Variants in RBFOX3 observed in about 807,000 individuals in gnomAD.
RBFOX3 encodes the protein RNA binding protein fox-1 homolog 3.
A neutral mutation model predicts 48.7 loss-of-function variants in RBFOX3; 17 were observed. The observed-to-expected ratio is 0.35, with a 90% confidence interval of 0.24 to 0.52. The LOEUF is 0.52. Among genes scored for constraint, RBFOX3 ranks in the 20% least tolerant of loss-of-function variants. RBFOX3 has a pLI of 0.94. For synonymous variants in RBFOX3, 212 were observed against 209.5 expected, an observed-to-expected ratio of 1.01 and a Z score of -0.10; for missense variants, 382 against 497.5, an observed-to-expected ratio of 0.77 and a Z score of 2.21.
chr17:79,204,695 C>T lies in RBFOX3; in HGVS notation c.-34+31071G>A, dbSNP rs1038598312. ...GACCGCTGAGGCATTTGGAAAGCTT[C>T]GTGGTGAGTGCCTTCACTTAGGGTT... On this transcript the variant is annotated intron_variant, in intron 4 of 14. Transcript: ENST00000693108. This position sits in a 1 kb window ranked among gnomAD's most constrained non-coding sequence, Gnocchi z 4.5. Among the ~76,000 whole-genome samples the T allele has an allele frequency of 2.8e-4, 43 of 152,116 alleles. No homozygotes were observed. The highest frequency in any genetic ancestry group is 1.0e-3 in the African/African-American group (43 of 41,410).
intron 1 of RBFOX3, among the ~76,000 whole-genome samples, chr17:79,609,316 G>A (rs1157242413): frequency 6.6e-6 from 1 of 152,130 alleles, no homozygotes; most frequent in Non-Finnish European, 1.5e-5. Context: ...GGGGCGCCCG[G>A]GTGCATGCCC....
intron 3 of RBFOX3, among the ~76,000 whole-genome samples, chr17:79,283,976 CATTTGCCTGTTTCAGTACTTATAAAT>C (rs2071234907): frequency 2.1e-5 from 3 of 141,992 alleles, no homozygotes; most frequent in Admixed American, 7.1e-5. Context: ...ACCATCGTAA[CATTTGCCTGTTTCAGTACTTATAAAT>C]GGAGATGCCT....
intron 2 of RBFOX3, chr17:79,424,239 G>C (rs1420382798): frequency 6.6e-6 from 1 of 152,408 alleles, no homozygotes; most frequent in Admixed American, 6.5e-5. Context: ...GGCTCTCCCA[G>C]CACAGGTGGC....
the RBFOX3 span, among the ~76,000 whole-genome samples, chr17:79,648,217 C>G: frequency 2.6e-5 from 4 of 152,154 alleles, no homozygotes; most frequent in Non-Finnish European, 5.9e-5. Flanking sequence ...CAGGGACACT[C>G]AAGATGAGCT....
chr17:79,159,265 G>C (rs1200235873), intron 4 of RBFOX3, among the ~76,000 whole-genome samples: 1 of 152,230 alleles, frequency 6.6e-6, no homozygotes, highest in Non-Finnish European at 1.5e-5. Context: ...CCAGGAGGCA[G>C]AGGCAGGTTG....
In RBFOX3 at chr17:79,205,730, T is replaced by C. The variant is rs1419942410; in HGVS notation, c.-34+30036A>G. On this transcript the variant is annotated intron_variant, in intron 4 of 14. Coordinates refer to ENST00000693108, the MANE Select transcript of RBFOX3 (RefSeq NM_001350451.2). This position sits in a 1 kb window ranked among gnomAD's most constrained non-coding sequence, Gnocchi z 4.5. ...CAGCCTCCAATTATTCACAGCAGTG[T>C]TGTATTTACTGGAATAGCTCGACAG... Among the ~76,000 whole-genome samples, 1 of 152,132 alleles carries C rather than the reference T, an allele frequency of 6.6e-6. No individual in the cohort carries two copies. The highest frequency in any genetic ancestry group is 2.4e-5 in the African/African-American group (1 of 41,436).
At chr17:79,173,889 C>T (rs184842972) in intron 4 of RBFOX3, among the ~76,000 whole-genome samples, 9 of 148,180 alleles carry the variant, frequency 6.1e-5, no homozygotes, top group East Asian at 4.0e-4. Context: ...GCTTTGCACA[C>T]GCCACGTGCT....
chr17:79,399,838 G>A (rs909501526), intron 2 of RBFOX3, among the ~76,000 whole-genome samples: 7 of 152,256 alleles, frequency 4.6e-5, no homozygotes, highest in Non-Finnish European at 5.9e-5. Context: ...CCGCTGGAAA[G>A]AATGCTGGCT....
At chr17:79,569,400 C>G (rs2092584434) in intron 1 of RBFOX3, among the ~76,000 whole-genome samples, 1 of 152,160 alleles carries the variant, frequency 6.6e-6, no homozygotes, top group Non-Finnish European at 1.5e-5. Context: ...ATGCTGTAGA[C>G]TGTCAGAGCT....
chr17:79,110,394 C>T (rs114590098), intron 5 of RBFOX3, among the ~76,000 whole-genome samples: 2,722 of 152,200 alleles, frequency 0.018, 82 homozygotes, highest in African/African-American at 0.063. Context: ...AAGCTTGGCA[C>T]GGAGACAGAC....
Position 79,535,430 on chromosome 17 carries a change from C to T in RBFOX3, c.-319-52832G>A, listed in dbSNP as rs1297888347. ...CCAGCAAAGCTCATTCCTACCTGTC[C>T]TCCGGAGAGTGTCACAAGGGGACAG... is the stretch of plus-strand genomic sequence containing the variant. On this transcript the variant is annotated intron_variant, in intron 1 of 14. Transcript: ENST00000693108. This position sits in a 1 kb window ranked among gnomAD's most constrained non-coding sequence, Gnocchi z 4.5. Among the ~76,000 whole-genome samples, 2 of 152,198 alleles carry T rather than the reference C, an allele frequency of 1.3e-5. No homozygotes were observed. Among genetic ancestry groups the T allele is most frequent in the Non-Finnish European group, 2.9e-5 (2 of 68,018 alleles).
intron 1 of RBFOX3, among the ~76,000 whole-genome samples, chr17:79,503,380 C>A (rs2082625453): frequency 6.6e-6 from 1 of 152,230 alleles, no homozygotes; most frequent in South Asian, 2.1e-4. Context: ...TGGGATTTTA[C>A]ATGTTCTAGG....
chr17:79,280,579 G>A (rs561091140), intron 3 of RBFOX3, among the ~76,000 whole-genome samples: 7 of 152,348 alleles, frequency 4.6e-5, no homozygotes, highest in African/African-American at 1.7e-4. Context: ...AGTGAGCTCA[G>A]GTTCCCATAA....
At chr17:79,662,744 A>G in the RBFOX3 span, among the ~76,000 whole-genome samples, 1 of 152,238 alleles carries the variant, frequency 6.6e-6, no homozygotes, top group Non-Finnish European at 1.5e-5. Context: ...TAGAAACCCA[A>G]TAAAAAGTTT....
the RBFOX3 span, among the ~76,000 whole-genome samples, chr17:79,645,863 G>A: frequency 6.6e-6 from 1 of 152,082 alleles, no homozygotes; most frequent in Non-Finnish European, 1.5e-5. Flanking sequence ...CACCCCCATG[G>A]AGGGGCCCAG....
chr17:79,198,630 C>CT lies in RBFOX3; in HGVS notation c.-34+37135dup, dbSNP rs11310195. Among the ~76,000 whole-genome samples, 269 of 147,356 alleles carry CT rather than the reference C, an allele frequency of 1.8e-3. 2 individuals are homozygous for CT. Among genetic ancestry groups the CT allele is most frequent in the Non-Finnish European group, 2.8e-3 (190 of 66,672 alleles). On this transcript the variant is annotated intron_variant, in intron 4 of 14. Transcript: ENST00000693108. This position sits in a 1 kb window ranked among gnomAD's most constrained non-coding sequence, Gnocchi z 8.2. ...CCCTGCTTTTGAACTTTCTCTCTCT[C>CT]TTTTTTTTTTTTTAAGATGGAGTCT...
chr17:79,225,291 C>CTTTTTT lies in RBFOX3; in HGVS notation c.-34+10469_-34+10474dup, dbSNP rs58461275. ...AGCACTGCTGTCCCCTCCCTCCATT[C>CTTTTTT]TTTTTTTTTTTTTTTTTTAGACAGG... On this transcript the variant is annotated intron_variant, in intron 4 of 14. Coordinates refer to ENST00000693108, the MANE Select transcript of RBFOX3 (RefSeq NM_001350451.2). Among the ~76,000 whole-genome samples the CTTTTTT allele has an allele frequency of 2.9e-3, 372 of 128,092 alleles. 5 individuals are homozygous for CTTTTTT. Among genetic ancestry groups the CTTTTTT allele is most frequent in the African/African-American group, 0.01 (352 of 33,998 alleles). The allele number at this position is 128,092 out of a possible 152,430, so 84.0% of individuals were successfully genotyped here.
At chr17:79,210,738 C>T (rs754500470) in intron 4 of RBFOX3, among the ~76,000 whole-genome samples, 13 of 152,240 alleles carry the variant, frequency 8.5e-5, no homozygotes, top group Admixed American at 4.6e-4. Flanking sequence ...TCCATCTGCA[C>T]GTCTGGTGCC....
chr17:79,094,147 G>C, intron 14 of RBFOX3: 2 of 401,366 alleles, frequency 5.0e-6, no homozygotes, highest in East Asian at 7.2e-5. Context: ...GGAATGGAGG[G>C]GCCTCAACGG....
Sources: gnomAD v4.1 joint callset for allele counts (sites outside exome capture counted in the v4.1 genomes callset) on GRCh38, gnomAD v4.1.1 for gene constraint, Gnocchi (gnomAD v3.1) non-coding constraint, MANE v1.5 for transcripts, NCBI Gene and HGNC (gene_info 2026-07-23, HGNC 2026-07-21) for gene names.